The following DCDC2C variants were observed in gnomAD, a reference collection of about 807,000 sequenced individuals.
DCDC2C encodes doublecortin domain containing 2C.
A neutral mutation model predicts 45.0 loss-of-function variants in DCDC2C; 44 were observed. That is an observed-to-expected ratio of 0.98 (90% CI 0.77 to 1.26). The LOEUF (loss-of-function observed/expected upper bound fraction) is 1.26. Among genes scored for constraint, DCDC2C ranks in the 50% most tolerant of loss-of-function variants. The probability of loss-of-function intolerance (pLI) is 0.00; values close to 1 mark genes in which losing one functional copy is unlikely to be tolerated. For missense variants in DCDC2C, 447 were observed against 468.9 expected (o/e 0.95, Z 0.43); for synonymous variants, 187 against 178.8 (o/e 1.05, Z -0.37).
chr2:3,770,903 T>C lies in DCDC2C; in HGVS notation c.954+1492T>C, dbSNP rs372462701. Among the ~76,000 whole-genome samples the C allele has an allele frequency of 7.2e-5, 11 of 152,328 alleles. No individual in the cohort carries two copies. In the East Asian group the frequency reaches 1.5e-3, roughly 21 times the overall value. ...AGGTGAGAGGAGGGAAGAGGGCCAG[T>C]AGGTCCCTGGGATGCTCCACCCACC... On this transcript the variant is annotated intron_variant, in intron 8 of 10. Transcript: ENST00000399143.
chr2:3,747,306 G>A (rs17506167), intron 4 of DCDC2C, among the ~76,000 whole-genome samples: 34,316 of 152,128 alleles, frequency 0.23, 4,613 homozygotes, highest in South Asian at 0.31. Context: ...ATCCACTAGC[G>A]GGTGTTCGGA....
chr2:3,830,268 G>A (rs1349886791), intron 10 of DCDC2C, among the ~76,000 whole-genome samples: 1 of 151,818 alleles, frequency 6.6e-6, no homozygotes, highest in African/African-American at 2.4e-5. Flanking sequence ...GGTATTTCTT[G>A]TGATCCTGGA....
intron 6 of DCDC2C, among the ~76,000 whole-genome samples, chr2:3,759,816 G>A (rs1258272246): frequency 6.6e-6 from 1 of 152,230 alleles, no homozygotes; most frequent in East Asian, 1.9e-4. Context: ...TATCATTGTG[G>A]ATTCTCTGTG....
At chr2:3,838,457 AGAGAGAGAG>A (rs1558249966) in intron 10 of DCDC2C, among the ~76,000 whole-genome samples, 2 of 139,530 alleles carry the variant, frequency 1.4e-5, no homozygotes, top group Non-Finnish European at 1.6e-5. Context: ...CATGACAGAG[AGAGAGAGAG>A]AGAGAGAGAG....
chr2:3,708,493 A>G, intron 1 of DCDC2C, 56 bp from the exon 2 acceptor site: 1 of 1,393,692 alleles, frequency 7.2e-7, no homozygotes, highest in Non-Finnish European at 9.8e-7. Flanking sequence ...GGAGTCTGGA[A>G]CTTTCTATGT....
At chr2:3,800,604 A>G (rs1037290893) in intron 10 of DCDC2C, among the ~76,000 whole-genome samples, 3 of 149,792 alleles carry the variant, frequency 2.0e-5, no homozygotes, top group South Asian at 4.2e-4. Flanking sequence ...GCACAATCAC[A>G]TAAGTGCTTT....
chr2:3,739,101 CTCTTT>C (rs1261850633), intron 3 of DCDC2C, among the ~76,000 whole-genome samples: 1 of 152,204 alleles, frequency 6.6e-6, no homozygotes, highest in Non-Finnish European at 1.5e-5. Flanking sequence ...ATTGTTTCTT[CTCTTT>C]TATCTTAAAA....
chr2:3,745,113 G>A (rs147331999), intron 4 of DCDC2C, among the ~76,000 whole-genome samples: 1,868 of 152,190 alleles, frequency 0.012, 37 homozygotes, highest in African/African-American at 0.044. Flanking sequence ...AGCCTCTGGA[G>A]TACCTAGGAT....
chr2:3,755,263 G>A (rs1239911441), intron 6 of DCDC2C, among the ~76,000 whole-genome samples: 2 of 152,142 alleles, frequency 1.3e-5, no homozygotes, highest in African/African-American at 4.8e-5. Flanking sequence ...GGGTACACGT[G>A]TGTACATGGA....
At chr2:3,819,633 C>T (rs1416444141) in intron 10 of DCDC2C, among the ~76,000 whole-genome samples, 2 of 152,212 alleles carry the variant, frequency 1.3e-5, no homozygotes, top group Non-Finnish European at 2.9e-5. Flanking sequence ...ACAGCCTTCT[C>T]ACCTTTCAGG....
At chr2:3,742,686 C>T (rs1669251491) in intron 4 of DCDC2C, among the ~76,000 whole-genome samples, 1 of 152,164 alleles carries the variant, frequency 6.6e-6, no homozygotes, top group Non-Finnish European at 1.5e-5. Flanking sequence ...TAGCAAAACA[C>T]TTGATGCATA....
chr2:3,822,734 T>G (rs987839422), intron 10 of DCDC2C, among the ~76,000 whole-genome samples: 4 of 152,144 alleles, frequency 2.6e-5, no homozygotes, highest in Non-Finnish European at 5.9e-5. Flanking sequence ...TTTGAGCTCT[T>G]TCTTCCTTTT....
intron 6 of DCDC2C, among the ~76,000 whole-genome samples, chr2:3,766,815 AG>A (rs1670026102): frequency 6.6e-6 from 1 of 152,270 alleles, no homozygotes; most frequent in African/African-American, 2.4e-5. Context: ...TGTATCATAA[AG>A]ATAGTTTATG....
At chr2:3,707,513 T>C (rs1276077565) in intron 1 of DCDC2C, among the ~76,000 whole-genome samples, 1 of 152,260 alleles carries the variant, frequency 6.6e-6, no homozygotes, top group Non-Finnish European at 1.5e-5. Context: ...GTTCAGTTCA[T>C]ACAATTTTCA....
intron 4 of DCDC2C, among the ~76,000 whole-genome samples, chr2:3,745,247 A>C (rs1483726884): frequency 6.6e-6 from 1 of 152,164 alleles, no homozygotes; most frequent in Non-Finnish European, 1.5e-5. Context: ...CGGCCTCCCA[A>C]AGTTCTGAGA....
At chr2:3,732,358 G>C (rs1027894976) in intron 3 of DCDC2C, among the ~76,000 whole-genome samples, 1 of 152,164 alleles carries the variant, frequency 6.6e-6, no homozygotes, top group African/African-American at 2.4e-5. Context: ...GCCTGAGGCT[G>C]TCAATGGAAC....
chr2:3,793,921 C>T (rs540679018), intron 10 of DCDC2C, among the ~76,000 whole-genome samples: 1 of 152,332 alleles, frequency 6.6e-6, no homozygotes, highest in South Asian at 2.1e-4. Flanking sequence ...AAAAATCTCA[C>T]ATAAATATGT....
At chr2:3,843,402 G>A (rs1344617682) in intron 10 of DCDC2C, among the ~76,000 whole-genome samples, 1 of 152,196 alleles carries the variant, frequency 6.6e-6, no homozygotes, top group Non-Finnish European at 1.5e-5. Context: ...AGTTCTCCAC[G>A]TCAGCTGAGC....
chr2:3,813,147 C>G (rs1671458514), intron 10 of DCDC2C, among the ~76,000 whole-genome samples: 1 of 150,872 alleles, frequency 6.6e-6, no homozygotes, highest in Non-Finnish European at 1.5e-5. Context: ...TCTCAGCTCA[C>G]TGCAACCTCC....
Sources: allele counts gnomAD v4.1 joint callset (sites outside exome capture counted in the v4.1 genomes callset), GRCh38; gene constraint gnomAD v4.1.1; transcripts MANE v1.5; gene names NCBI Gene and HGNC (gene_info 2026-07-23, HGNC 2026-07-21).